Variants in ADAMTS12 observed in about 807,000 individuals in gnomAD.
ADAMTS12 encodes ADAM metallopeptidase with thrombospondin type 1 motif 12, also known as A disintegrin and metalloproteinase with thrombospondin motifs 12.
In ADAMTS12, 118 loss-of-function variants were observed where a neutral mutation model predicts 167.8. The ratio of observed to expected loss-of-function variants is 0.70; its 90% CI spans 0.61 to 0.82. The LOEUF (loss-of-function observed/expected upper bound fraction) is 0.82. Ranked by LOEUF, ADAMTS12 falls within the 40% of genes least tolerant of loss-of-function variation. ADAMTS12 has a pLI of 0.00. For synonymous variants in ADAMTS12, 704 were observed against 716.9 expected, an observed-to-expected ratio of 0.98 and a Z score of 0.29; for missense variants, 1,916 against 1,998.8, an observed-to-expected ratio of 0.96 and a Z score of 0.79.
At chr5:33,752,710 G>A (rs1745031793) in intron 2 of ADAMTS12, among the ~76,000 whole-genome samples, 1 of 152,148 alleles carries the variant, frequency 6.6e-6, no homozygotes, top group East Asian at 1.9e-4. Flanking sequence ...GGAAACATGG[G>A]GGGCTTAGGG....
chr5:33,788,788 T>C (rs1419935953), intron 2 of ADAMTS12, among the ~76,000 whole-genome samples: 1 of 152,176 alleles, frequency 6.6e-6, no homozygotes, highest in African/African-American at 2.4e-5. Flanking sequence ...ACTTGGCAGT[T>C]ACTAAAGCAC....
At chr5:33,625,645 T>C (rs2112125956) in intron 13 of ADAMTS12, among the ~76,000 whole-genome samples, 1 of 152,312 alleles carries the variant, frequency 6.6e-6, no homozygotes, top group East Asian at 1.9e-4. Context: ...AAGTCTTTTT[T>C]CTTGAATGGG....
At chr5:33,710,871 A>G (rs1268441210) in intron 3 of ADAMTS12, among the ~76,000 whole-genome samples, 1 of 152,146 alleles carries the variant, frequency 6.6e-6, no homozygotes, top group Non-Finnish European at 1.5e-5. Flanking sequence ...AGCAGGAAAA[A>G]TCTTAATGAG....
intron 16 of ADAMTS12, among the ~76,000 whole-genome samples, chr5:33,598,172 T>C (rs1478087837): frequency 6.6e-6 from 1 of 152,124 alleles, no homozygotes; most frequent in Non-Finnish European, 1.5e-5. Flanking sequence ...ACATTAATGG[T>C]CCTGGTGACC....
intron 7 of ADAMTS12, among the ~76,000 whole-genome samples, chr5:33,656,045 A>G (rs1741049699): frequency 6.6e-6 from 1 of 152,134 alleles, no homozygotes; most frequent in African/African-American, 2.4e-5. Context: ...AGGTTTTTTT[A>G]GGAGCTAGAT....
intron 4 of ADAMTS12, among the ~76,000 whole-genome samples, chr5:33,683,653 G>A (rs980642219): frequency 6.6e-6 from 1 of 152,074 alleles, no homozygotes; most frequent in African/African-American, 2.4e-5. Flanking sequence ...ATTATAAAAT[G>A]TTCCCAGGAT....
intron 3 of ADAMTS12, among the ~76,000 whole-genome samples, chr5:33,697,701 C>A (rs868708412): frequency 6.6e-6 from 1 of 152,186 alleles, no homozygotes; most frequent in South Asian, 2.1e-4. Flanking sequence ...TACAGACACC[C>A]CTTCCCCTTT....
At chr5:33,698,859 GT>G in intron 3 of ADAMTS12, among the ~76,000 whole-genome samples, 1 of 152,044 alleles carries the variant, frequency 6.6e-6, no homozygotes, top group South Asian at 2.1e-4. Flanking sequence ...TTTTAACTAA[GT>G]TTTTTAAAGT....
intron 2 of ADAMTS12, among the ~76,000 whole-genome samples, chr5:33,799,282 A>C (rs1257790040): frequency 6.6e-6 from 1 of 152,212 alleles, no homozygotes; most frequent in African/African-American, 2.4e-5. Context: ...TTACTACTTT[A>C]GCAAATAAAA....
chr5:33,840,539 G>T (rs921251789), intron 2 of ADAMTS12, among the ~76,000 whole-genome samples: 10 of 152,206 alleles, frequency 6.6e-5, no homozygotes, highest in Admixed American at 2.6e-4. Flanking sequence ...GATGATAATG[G>T]TACCACCTCA....
intron 2 of ADAMTS12, among the ~76,000 whole-genome samples, chr5:33,822,414 T>A: frequency 6.6e-6 from 1 of 152,158 alleles, no homozygotes; most frequent in East Asian, 1.9e-4. Context: ...ATTCACTTTT[T>A]ATTGGGCCTC....
chr5:33,576,010 CT>C lies in ADAMTS12; in HGVS notation c.3972+43del, dbSNP rs534661620. On this transcript the variant is annotated intron_variant, in intron 19 of 23. Coordinates refer to ENST00000504830, the MANE Select transcript of ADAMTS12 (RefSeq NM_030955.4). The stretch of plus-strand genomic sequence containing the variant: ...TTTCACATGAATTTAACACTCCTAG[CT>C]TTTTTCCATGTAAAACCAGGCCAGG... 2.9e-4 allele frequency: 453 copies of C among 1,557,362 alleles called. 5 individuals carry two copies. In the South Asian group the frequency reaches 5.3e-3, roughly 18 times the overall value.
intron 2 of ADAMTS12, among the ~76,000 whole-genome samples, chr5:33,810,292 C>T (rs549543671): frequency 2.0e-5 from 3 of 152,268 alleles, no homozygotes; most frequent in South Asian, 2.1e-4. Flanking sequence ...AGATAGGTTC[C>T]TCTTGGATTG....
At chr5:33,680,101 A>G (rs1325313345) in intron 5 of ADAMTS12, among the ~76,000 whole-genome samples, 3 of 152,228 alleles carry the variant, frequency 2.0e-5, no homozygotes, top group African/African-American at 7.2e-5. Context: ...CTCTGTGCCA[A>G]TTAGAGACTC....
intron 2 of ADAMTS12, among the ~76,000 whole-genome samples, chr5:33,874,368 A>T (rs1347394770): frequency 1.3e-5 from 2 of 152,224 alleles, no homozygotes; most frequent in Non-Finnish European, 2.9e-5. Context: ...GCAAATTAAA[A>T]CAAAAATGAG....
intron 10 of ADAMTS12, among the ~76,000 whole-genome samples, 173 bp from the exon 11 acceptor site, chr5:33,642,128 G>A (rs1740482786): frequency 1.3e-5 from 2 of 152,306 alleles, no homozygotes; most frequent in African/African-American, 4.8e-5. Flanking sequence ...AGAGTCGTGG[G>A]TTTTAGAATC....
chr5:33,622,652 A>G (rs1739391363), intron 14 of ADAMTS12, among the ~76,000 whole-genome samples: 1 of 151,880 alleles, frequency 6.6e-6, no homozygotes, highest in African/African-American at 2.4e-5. Flanking sequence ...ACTCCGTCTC[A>G]AAAAAACAAA....
At chr5:33,660,265 T>C (rs978898355) in intron 6 of ADAMTS12, among the ~76,000 whole-genome samples, 1 of 152,192 alleles carries the variant, frequency 6.6e-6, no homozygotes, top group Non-Finnish European at 1.5e-5. Flanking sequence ...ATAGCTAAGT[T>C]ATGGCTGTTG....
intron 3 of ADAMTS12, among the ~76,000 whole-genome samples, chr5:33,702,471 G>A (rs1465607556): frequency 6.6e-6 from 1 of 152,214 alleles, no homozygotes; most frequent in Non-Finnish European, 1.5e-5. Context: ...GCATAGTGGT[G>A]TAGACAGGAG....
Sources: allele counts gnomAD v4.1 joint callset (sites outside exome capture counted in the v4.1 genomes callset), GRCh38; gene constraint gnomAD v4.1.1; transcripts MANE v1.5; gene names NCBI Gene and HGNC (gene_info 2026-07-23, HGNC 2026-07-21).